TJP3: variants seen among roughly 807,000 people sequenced by gnomAD.
The protein encoded by TJP3 is tight junction protein ZO-3.
A neutral mutation model predicts 104.2 loss-of-function variants in TJP3; 85 were observed. The observed-to-expected ratio is 0.82, with a 90% CI of 0.68 to 0.98. The LOEUF is 0.98. Ranked by LOEUF, TJP3 falls within the 50% of genes least tolerant of loss-of-function variation. The pLI is 0.00. For synonymous variants in TJP3, 550 were observed against 550.6 expected (o/e 1.00, Z 0.02); for missense variants, 1,367 against 1,322.8 (o/e 1.03, Z -0.52).
Position 3,738,557 on chromosome 19 carries a change from G to A in TJP3, c.1287G>A (p.Val429=), listed in dbSNP as rs546817443. 2.7e-5 allele frequency: 43 copies of A among 1,612,974 alleles called. No individual in the cohort carries two copies. The South Asian group carries it at 4.6e-4, about 17-fold the overall frequency. ...TAGCTGCACTTGCTTTCTGGCAGGT[G>A]AATGACGTGCCATTCCAGAACCTGA... ...GIQEGDQILQ[V]NDVPFQNLTR... is the part of the protein sequence containing the mutation. Residue 429 remains valine (V), a splice_region_variant and synonymous_variant, in exon 12 of 21, where the codon GTG becomes GTA. Coordinates refer to ENST00000541714, the MANE Select transcript of TJP3 (RefSeq NM_001267560.2).
chr19:3,735,768 G>T, intron 9 of TJP3, 101 bp from the exon 10 acceptor site: 2 of 1,575,098 alleles, frequency 1.3e-6, no homozygotes, highest in Non-Finnish European at 8.7e-7. Flanking sequence ...AGAAGGACTC[G>T]AGGTGGGTGA....
At chr19:3,712,141 C>T (rs1224334051) in intron 1 of TJP3, among the ~76,000 whole-genome samples, 1 of 152,138 alleles carries the variant, frequency 6.6e-6, no homozygotes, top group African/African-American at 2.4e-5. Flanking sequence ...CGTGGTGAAA[C>T]TCTGTCTCTA....
Position 3,730,489 on chromosome 19 carries a change from C to G in TJP3, c.396C>G (p.Gly132=). 1 of 1,585,176 alleles carries G rather than the reference C, an allele frequency of 6.3e-7. No homozygotes were observed. The highest frequency in any genetic ancestry group is 8.6e-7 in the Non-Finnish European group (1 of 1,166,562). The change falls in exon 5 of 21, where the codon GGC becomes GGG. Residue 132 remains glycine, a synonymous_variant. Coordinates refer to ENST00000541714, the MANE Select transcript of TJP3 (RefSeq NM_001267560.2). The surrounding 1 kb of genome is among the most constrained non-coding windows in gnomAD (Gnocchi z 7.3). ...EEVDQGRGYD[G]DSSSGSGRSW... is the part of the protein sequence containing the mutation. ...TGGACCAGGGCCGGGGCTATGACGG[C>G]GACTCATCCAGTGGCTCCGGCCGCT...
chr19:3,737,129 C>T (rs1179000702), intron 11 of TJP3, among the ~76,000 whole-genome samples: 1 of 152,138 alleles, frequency 6.6e-6, no homozygotes, highest in Non-Finnish European at 1.5e-5. Flanking sequence ...ATGCACCCGC[C>T]TCAGCCTCCC....
intron 19 of TJP3, among the ~76,000 whole-genome samples, chr19:3,748,333 G>A (rs1443475791): frequency 6.7e-6 from 1 of 148,288 alleles, no homozygotes. Flanking sequence ...GTGCAATGGC[G>A]CAATCTTGGC....
chr19:3,728,258 A>T, intron 1 of TJP3, 166 bp from the exon 2 acceptor site: 1 of 1,161,816 alleles, frequency 8.6e-7, no homozygotes, highest in Admixed American at 2.8e-5. Context: ...AAACAAAACA[A>T]AAAAACAAAC....
chr19:3,750,486 C>T, intron 20 of TJP3, 96 bp from the exon 21 acceptor site: 1 of 1,075,096 alleles, frequency 9.3e-7, no homozygotes, highest in East Asian at 2.6e-5. Context: ...TATCTCTGCC[C>T]ACACCCACTG....
chr19:3,722,665 A>G (rs1041416042), intron 1 of TJP3, among the ~76,000 whole-genome samples: 1 of 151,768 alleles, frequency 6.6e-6, no homozygotes, highest in African/African-American at 2.4e-5. Context: ...CCCACCAGCC[A>G]GGGTAGACTG....
intron 1 of TJP3, among the ~76,000 whole-genome samples, chr19:3,726,677 A>G (rs537860274): frequency 2.4e-4 from 37 of 151,774 alleles, no homozygotes; most frequent in Non-Finnish European, 4.6e-4. Context: ...CAACACAGCA[A>G]GACCCTCCTG....
chr19:3,744,161 C>T (rs614717), intron 15 of TJP3, 127 bp downstream of exon 15: 626,560 of 750,906 alleles, frequency 0.83, 262,416 homozygotes, highest in African/African-American at 0.89. Flanking sequence ...CAGTGCCCCC[C>T]CCAATACCCA....
chr19:3,724,030 T>C (rs373256140), intron 1 of TJP3, among the ~76,000 whole-genome samples: 22 of 144,726 alleles, frequency 1.5e-4, no homozygotes, highest in African/African-American at 6.4e-4. Context: ...TGAGGTGGGC[T>C]GTGAGGTTAG....
At chr19:3,712,461 C>A (rs1459249276) in intron 1 of TJP3, among the ~76,000 whole-genome samples, 1 of 152,166 alleles carries the variant, frequency 6.6e-6, no homozygotes, top group African/African-American at 2.4e-5. Context: ...CATGGAGAGG[C>A]AGCCCAGGGG....
At chr19:3,745,937 G>A in intron 15 of TJP3, 74 bp from the exon 16 acceptor site, 1 of 1,265,766 alleles carries the variant, frequency 7.9e-7, no homozygotes, top group Non-Finnish European at 1.1e-6. Context: ...GAGCAGGGGA[G>A]GGGCAGGTAG....
intron 1 of TJP3, among the ~76,000 whole-genome samples, chr19:3,718,224 T>TGG: frequency 1.3e-5 from 1 of 74,152 alleles, no homozygotes; most frequent in East Asian, 3.9e-4. Flanking sequence ...TGTGTGTGTG[T>TGG]GTGTGTGTGT....
chr19:3,733,833 G>A lies in TJP3; in HGVS notation c.798G>A (p.Leu266=), dbSNP rs34564453. Residue 266 remains leucine (L), a synonymous_variant, in exon 7 of 21, where the codon CTG becomes CTA. Coordinates refer to ENST00000541714, the MANE Select transcript of TJP3 (RefSeq NM_001267560.2). ...LIEKSEGKLS[L]LVLRDRGQFL... Reference sequence around the variant, plus strand: ...AGAAGTCAGAAGGGAAGCTAAGCCTGCTGGTGCTGAGAGATCGTGGGCAGT... The same window carrying A: ...AGAAGTCAGAAGGGAAGCTAAGCCTACTGGTGCTGAGAGATCGTGGGCAGT... 0.032 allele frequency: 52,162 copies of A among 1,614,236 alleles called. 1,054 individuals are homozygous for A. The highest frequency in any genetic ancestry group is 0.07 in the Middle Eastern group (426 of 6,062).
chr19:3,721,183 A>T (rs983704512), intron 1 of TJP3, among the ~76,000 whole-genome samples: 1 of 151,962 alleles, frequency 6.6e-6, no homozygotes, highest in East Asian at 1.9e-4. Flanking sequence ...TACAGGCATG[A>T]GCCACCGCGC....
chr19:3,731,738 C>G (rs932645408), intron 5 of TJP3, among the ~76,000 whole-genome samples, 197 bp from the exon 6 acceptor site: 1 of 152,198 alleles, frequency 6.6e-6, no homozygotes, highest in Non-Finnish European at 1.5e-5. Flanking sequence ...GGCACGGTGA[C>G]CTGGTGTCCC....
chr19:3,746,610 G>A lies in TJP3; in HGVS notation c.2136G>A (p.Trp712Ter). 1 of 1,610,978 alleles carries A rather than the reference G, an allele frequency of 6.2e-7. No homozygotes were observed. Among genetic ancestry groups the A allele is most frequent in the Non-Finnish European group, 8.5e-7 (1 of 1,179,384 alleles). The part of the protein sequence containing the change: ...SRPALKALRQ[W>*]LAPASRRSTR... ...CGGCCCTCAAGGCACTGCGCCAGTG[G>A]CTGGCGCCTGCCTCCCGCCGCAGCA... Residue 712 changes from tryptophan (W) to a stop codon, truncating the protein, a stop_gained, in exon 17 of 21, where the codon TGG becomes TGA. Transcript: ENST00000541714. LOFTEE classifies it high-confidence loss of function. This position sits in a 1 kb window ranked among gnomAD's most constrained non-coding sequence, Gnocchi z 4.1.
chr19:3,720,937 C>CT (rs921083528), intron 1 of TJP3, among the ~76,000 whole-genome samples: 3 of 133,546 alleles, frequency 2.2e-5, no homozygotes, highest in African/African-American at 8.3e-5. Context: ...GGGTCTCACT[C>CT]TACTCTGTCG....
Sources: allele counts gnomAD v4.1 joint callset (sites outside exome capture counted in the v4.1 genomes callset), GRCh38; gene constraint gnomAD v4.1.1; non-coding constraint Gnocchi (gnomAD v3.1); transcripts MANE v1.5; gene names NCBI Gene and HGNC (gene_info 2026-07-23, HGNC 2026-07-21).